Variants in SLC35F2 observed in about 807,000 individuals in gnomAD.
SLC35F2 encodes the protein solute carrier family 35 member F2.
In SLC35F2, 25 loss-of-function variants were observed where a neutral mutation model predicts 38.1. The observed-to-expected ratio is 0.66, with a 90% CI of 0.48 to 0.92. The LOEUF (loss-of-function observed/expected upper bound fraction) is 0.92. Among genes scored for constraint, SLC35F2 ranks in the 40% least tolerant of loss-of-function variants. SLC35F2 has a pLI of 0.00. For synonymous variants in SLC35F2, 173 were observed against 181.7 expected (o/e 0.95, Z 0.38); for missense variants, 409 against 452.9 (o/e 0.90, Z 0.88).
intron 1 of SLC35F2, among the ~76,000 whole-genome samples, chr11:107,844,807 T>C (rs2134850968): frequency 6.6e-6 from 1 of 151,226 alleles, no homozygotes; most frequent in South Asian, 2.1e-4. Flanking sequence ...ACCCCATCTC[T>C]ACTAAAAATA....
intron 1 of SLC35F2, among the ~76,000 whole-genome samples, chr11:107,823,553 C>G (rs183674651): frequency 1.5e-4 from 23 of 152,264 alleles, no homozygotes; most frequent in African/African-American, 5.3e-4. Flanking sequence ...AGGCCAAGTT[C>G]TCGCACTCTG....
intron 1 of SLC35F2, among the ~76,000 whole-genome samples, chr11:107,821,999 AG>A (rs550859684): frequency 6.4e-4 from 97 of 152,346 alleles, no homozygotes; most frequent in African/African-American, 2.2e-3. Flanking sequence ...GCACTTTGGG[AG>A]GCCAAGGCAG....
intron 3 of SLC35F2, 54 bp downstream of exon 3, chr11:107,811,613 G>A (rs997244128): frequency 1.2e-5 from 19 of 1,520,298 alleles, no homozygotes; most frequent in Admixed American, 1.2e-4. Context: ...ATATGACTTC[G>A]TGTTCTTCTT....
intron 7 of SLC35F2, 98 bp downstream of exon 7, chr11:107,802,903 G>A: frequency 3.3e-6 from 4 of 1,203,760 alleles, no homozygotes; most frequent in Non-Finnish European, 4.5e-6. Flanking sequence ...CCAAGAAGAT[G>A]AGAAGGTTTT....
intron 1 of SLC35F2, 142 bp from the exon 2 acceptor site, chr11:107,816,107 A>T: frequency 7.5e-7 from 1 of 1,337,726 alleles, no homozygotes; most frequent in Non-Finnish European, 9.6e-7. Context: ...CATTTCATGA[A>T]ATAAAAATTA....
At chr11:107,792,987 G>A in intron 7 of SLC35F2, 187 bp from the exon 8 acceptor site, 1 of 879,996 alleles carries the variant, frequency 1.1e-6, no homozygotes, top group Non-Finnish European at 1.4e-6. Flanking sequence ...CACAATCTCG[G>A]CTCACTGCAA....
Position 107,833,730 on chromosome 11 carries a change from T to C in SLC35F2, c.111-17765A>G, listed in dbSNP as rs1243544437. 2.0e-5 allele frequency among the ~76,000 whole-genome samples: 3 copies of C among 152,176 alleles called. No individual in the cohort carries two copies. In the East Asian group the frequency reaches 5.8e-4, roughly 29 times the overall value. On this transcript the variant is annotated intron_variant, in intron 1 of 7. Coordinates refer to ENST00000525815, the MANE Select transcript of SLC35F2 (RefSeq NM_017515.5). ...ACTCTGAGACGAATTAAGAGTCTTT[T>C]ATTTAAGCCAGCAGCCAAAGAGATG...
chr11:107,843,752 C>T (rs575459968), intron 1 of SLC35F2, among the ~76,000 whole-genome samples: 11 of 147,980 alleles, frequency 7.4e-5, no homozygotes, highest in African/African-American at 2.5e-4. Flanking sequence ...ACTCTGGAGG[C>T]CAAGGCAGGA....
intron 1 of SLC35F2, among the ~76,000 whole-genome samples, chr11:107,849,215 C>T (rs936717588): frequency 3.9e-5 from 6 of 152,088 alleles, no homozygotes; most frequent in African/African-American, 1.4e-4. Context: ...AATACTCTTT[C>T]GTTTTATTAG....
At chr11:107,824,851 T>C (rs1859728684) in intron 1 of SLC35F2, among the ~76,000 whole-genome samples, 1 of 152,098 alleles carries the variant, frequency 6.6e-6, no homozygotes, top group African/African-American at 2.4e-5. Context: ...TCCAATAGAG[T>C]AGCCTCTACC....
intron 1 of SLC35F2, among the ~76,000 whole-genome samples, chr11:107,846,832 A>G (rs1250157684): frequency 6.6e-6 from 1 of 151,574 alleles, no homozygotes; most frequent in East Asian, 1.9e-4. Context: ...CAGGAGGCTG[A>G]GGCAGGAGAA....
chr11:107,842,028 T>C (rs967294630), intron 1 of SLC35F2, among the ~76,000 whole-genome samples: 1 of 150,074 alleles, frequency 6.7e-6, no homozygotes, highest in African/African-American at 2.5e-5. Context: ...ATCGTGCCAC[T>C]GCACTCCAGC....
chr11:107,819,366 C>G (rs986767197), intron 1 of SLC35F2, among the ~76,000 whole-genome samples: 1 of 152,174 alleles, frequency 6.6e-6, no homozygotes, highest in Non-Finnish European at 1.5e-5. Context: ...CTGGCCAAAT[C>G]CAAGGACACT....
At chr11:107,857,815 CTT>C (rs1348796147) in intron 1 of SLC35F2, among the ~76,000 whole-genome samples, 1 of 148,504 alleles carries the variant, frequency 6.7e-6, no homozygotes, top group Non-Finnish European at 1.5e-5. Flanking sequence ...GCTTAGCCTT[CTT>C]TGTTTCTCCA....
At chr11:107,845,682 G>A (rs918965344) in intron 1 of SLC35F2, among the ~76,000 whole-genome samples, 1 of 150,810 alleles carries the variant, frequency 6.6e-6, no homozygotes, top group African/African-American at 2.4e-5. Context: ...GCTGGGCACG[G>A]TGGCTCATGC....
intron 1 of SLC35F2, among the ~76,000 whole-genome samples, chr11:107,844,803 T>C (rs1860077500): frequency 6.6e-6 from 1 of 150,822 alleles, no homozygotes; most frequent in Non-Finnish European, 1.5e-5. Context: ...TGAAACCCCA[T>C]CTCTACTAAA....
intron 1 of SLC35F2, among the ~76,000 whole-genome samples, chr11:107,817,149 G>A (rs145562110): frequency 4.1e-4 from 62 of 152,094 alleles, no homozygotes; most frequent in African/African-American, 1.4e-3. Flanking sequence ...GGTGGCAGGC[G>A]CCTGTAATCC....
rs1387941736 is a variant in SLC35F2 at position 107,792,760 on chromosome 11, A to G, written c.980T>C (p.Val327Ala). 1.2e-6 allele frequency: 2 copies of G among 1,604,490 alleles called. No homozygotes were observed. Among genetic ancestry groups the G allele is most frequent in the African/African-American group, 2.7e-5 (2 of 74,584 alleles). Residue 327 changes from valine (V) to alanine (A), a missense_variant, in exon 8 of 8, where the codon GTG (valine) becomes GCG (alanine). By Grantham distance (64) the Val-to-Ala change is moderately conservative. Coordinates refer to ENST00000525815, the MANE Select transcript of SLC35F2 (RefSeq NM_017515.5). ...LYILSFTVIM[V>A]GFILYCSTPT... The stretch of plus-strand genomic sequence containing the variant: ...GGTGGAGCAGTACAGGATAAACCCC[A>G]CCATGATGACAGTGAAGGACAGGAT...
At chr11:107,816,835 A>G (rs1222221941) in intron 1 of SLC35F2, among the ~76,000 whole-genome samples, 1 of 152,178 alleles carries the variant, frequency 6.6e-6, no homozygotes, top group Non-Finnish European at 1.5e-5. Flanking sequence ...GAGCTGGAAG[A>G]AAGGATTGGA....
Sources: gnomAD v4.1 joint callset for allele counts (sites outside exome capture counted in the v4.1 genomes callset) on GRCh38, gnomAD v4.1.1 for gene constraint, MANE v1.5 for transcripts, NCBI Gene and HGNC (gene_info 2026-07-23, HGNC 2026-07-21) for gene names.